CA10: variants seen among roughly 807,000 people sequenced by gnomAD.
CA10 encodes the protein carbonic anhydrase 10 (inactive), also known as carbonic anhydrase-related protein 10.
A neutral mutation model predicts 44.2 loss-of-function variants in CA10; 14 were observed. The ratio of observed to expected loss-of-function variants is 0.32; its 90% confidence interval spans 0.21 to 0.50. The LOEUF (loss-of-function observed/expected upper bound fraction) is 0.50, where lower values mean the gene tolerates loss of function less well. CA10 is among the 20% of genes least tolerant of loss of function. The pLI, the probability that CA10 is intolerant of heterozygous loss-of-function variation, is 0.99. For missense variants in CA10, 350 were observed against 409.7 expected (o/e 0.85, Z 1.26); for synonymous variants, 159 against 141.6 (o/e 1.12, Z -0.87).
Position 51,633,544 on chromosome 17 carries a change from GTGCGGA to G in CA10, c.890_895del (p.Ile297_Arg298del). The G allele has an allele frequency of 6.2e-7, 1 of 1,614,036 alleles. No homozygotes were observed. Among genetic ancestry groups the G allele is most frequent in the Non-Finnish European group, 8.5e-7 (1 of 1,179,948 alleles). On this transcript the variant is annotated inframe_deletion, in exon 8 of 9. Coordinates refer to ENST00000451037, the MANE Select transcript of CA10 (RefSeq NM_020178.5). Reference sequence around the variant, plus strand: ...CCCCTGTAAACTGAAGTTGATATTGGTGCGGATGCAGCGGTTGTTGAGTGGCTGGAC... The same window carrying G: ...CCCCTGTAAACTGAAGTTGATATTGGTGCAGCGGTTGTTGAGTGGCTGGAC...
intron 4 of CA10, among the ~76,000 whole-genome samples, chr17:51,717,606 C>T (rs1350961437): frequency 4.3e-5 from 5 of 116,210 alleles, no homozygotes; most frequent in Non-Finnish European, 8.5e-5. Context: ...TATATATATA[C>T]ATGTATACAT....
At chr17:51,801,655 T>C (rs1037497253) in intron 3 of CA10, among the ~76,000 whole-genome samples, 3 of 152,210 alleles carry the variant, frequency 2.0e-5, no homozygotes, top group African/African-American at 7.2e-5. Context: ...AGATGCTGTG[T>C]CTACATCACT....
chr17:51,809,571 T>C (rs186915427), intron 3 of CA10, among the ~76,000 whole-genome samples: 70 of 152,316 alleles, frequency 4.6e-4, no homozygotes, highest in Non-Finnish European at 5.9e-5. Context: ...GCAGCTTCTC[T>C]GCAACATCCT....
intron 2 of CA10, among the ~76,000 whole-genome samples, chr17:52,000,643 TACA>T (rs779076288): frequency 1.6e-4 from 24 of 152,166 alleles, no homozygotes; most frequent in Non-Finnish European, 3.2e-4. Flanking sequence ...TGGCAAGTGG[TACA>T]ACAAGGACCA....
At chr17:51,978,871 T>A (rs1984553026) in intron 2 of CA10, among the ~76,000 whole-genome samples, 1 of 152,124 alleles carries the variant, frequency 6.6e-6, no homozygotes, top group Non-Finnish European at 1.5e-5. Context: ...AGTCTCATGA[T>A]GACTTCACCG....
At chr17:52,157,540 C>CCA (rs1555571072) in intron 1 of CA10, among the ~76,000 whole-genome samples, 186 bp downstream of exon 1, 2 of 130,380 alleles carry the variant, frequency 1.5e-5, no homozygotes, top group African/African-American at 2.9e-5. Flanking sequence ...CCCCCCCCCG[C>CCA]AAAACACACA....
At chr17:52,129,357 A>G (rs531391394) in intron 1 of CA10, among the ~76,000 whole-genome samples, 30 of 152,244 alleles carry the variant, frequency 2.0e-4, no homozygotes, top group Middle Eastern at 3.4e-3. Context: ...CATTGCAAAT[A>G]TTTTCTTTAA....
chr17:51,636,160 ACTC>A, intron 6 of CA10, 151 bp from the exon 7 acceptor site: 1 of 439,486 alleles, frequency 2.3e-6, no homozygotes, highest in Non-Finnish European at 3.9e-6. Flanking sequence ...ATTCCAGAAG[ACTC>A]TATCTGTCAG....
At chr17:51,643,199 T>TTAATGAAATTGGGTAGA (rs1464712106) in intron 6 of CA10, among the ~76,000 whole-genome samples, 16 of 152,126 alleles carry the variant, frequency 1.1e-4, no homozygotes, top group Admixed American at 6.6e-4. Context: ...TAATGCTGGC[T>TTAATGAAATTGGGTAGA]TAATGAAATT....
chr17:51,807,411 G>A (rs1907177957), intron 3 of CA10, among the ~76,000 whole-genome samples: 3 of 152,164 alleles, frequency 2.0e-5, no homozygotes. Flanking sequence ...TAGAACCAGT[G>A]ACATGAAATG....
intron 3 of CA10, among the ~76,000 whole-genome samples, chr17:51,833,072 G>T (rs541674185): frequency 6.6e-6 from 1 of 152,274 alleles, no homozygotes; most frequent in African/African-American, 2.4e-5. Context: ...CAGCTGAGAG[G>T]GGTGCTGAAT....
intron 2 of CA10, among the ~76,000 whole-genome samples, chr17:52,026,337 T>G (rs1313283578): frequency 6.6e-6 from 1 of 152,174 alleles, no homozygotes; most frequent in Non-Finnish European, 1.5e-5. Flanking sequence ...ACTTGAGGAA[T>G]CTCACTTTCC....
At chr17:51,910,902 G>A (rs1205056369) in intron 3 of CA10, among the ~76,000 whole-genome samples, 1 of 152,140 alleles carries the variant, frequency 6.6e-6, no homozygotes, top group Admixed American at 6.6e-5. Flanking sequence ...GACACATTTG[G>A]TCTGTAAGTT....
At chr17:51,672,829 T>G (rs891571177) in intron 4 of CA10, among the ~76,000 whole-genome samples, 1 of 152,188 alleles carries the variant, frequency 6.6e-6, no homozygotes, top group Non-Finnish European at 1.5e-5. Flanking sequence ...CCCAGATCCC[T>G]CACCCTGCCA....
At chr17:51,977,408 G>T (rs188860646) in intron 2 of CA10, among the ~76,000 whole-genome samples, 90 of 151,430 alleles carry the variant, frequency 5.9e-4, no homozygotes, top group African/African-American at 1.7e-3. Flanking sequence ...TAAATTAATG[G>T]GATTTACTCC....
At chr17:51,911,789 C>G (rs1033112629) in intron 3 of CA10, among the ~76,000 whole-genome samples, 29 of 152,098 alleles carry the variant, frequency 1.9e-4, no homozygotes, top group African/African-American at 7.0e-4. Context: ...TGAAATCACT[C>G]AAATTTCTGG....
intron 3 of CA10, among the ~76,000 whole-genome samples, chr17:51,912,146 G>A (rs1481351981): frequency 6.6e-6 from 1 of 152,130 alleles, no homozygotes; most frequent in Non-Finnish European, 1.5e-5. Flanking sequence ...AAACTTGATG[G>A]AATAAATAAC....
At chr17:52,080,407 G>C (rs1225558993) in intron 1 of CA10, among the ~76,000 whole-genome samples, 3 of 151,534 alleles carry the variant, frequency 2.0e-5, no homozygotes, top group Non-Finnish European at 2.9e-5. Context: ...AGCCGAGATT[G>C]CACCACTGCA....
At chr17:52,151,306 T>G (rs1989698223) in intron 1 of CA10, among the ~76,000 whole-genome samples, 1 of 152,186 alleles carries the variant, frequency 6.6e-6, no homozygotes, top group African/African-American at 2.4e-5. Context: ...TATTTTGTTT[T>G]TTAAATATCT....
Sources: allele counts gnomAD v4.1 joint callset (sites outside exome capture counted in the v4.1 genomes callset), GRCh38; gene constraint gnomAD v4.1.1; transcripts MANE v1.5; gene names NCBI Gene and HGNC (gene_info 2026-07-23, HGNC 2026-07-21).